The following GALNTL6 variants were observed in gnomAD, a reference collection of about 807,000 sequenced individuals.
The protein encoded by GALNTL6 is polypeptide N-acetylgalactosaminyltransferase-like 6.
In GALNTL6, 46 loss-of-function variants were observed where a neutral mutation model predicts 73.7. The observed-to-expected ratio is 0.62, with a 90% CI of 0.49 to 0.80. GALNTL6 has a LOEUF of 0.80. GALNTL6 is among the 30% of genes least tolerant of loss of function. The probability of loss-of-function intolerance (pLI) is 0.00; values close to 1 mark genes in which losing one functional copy is unlikely to be tolerated. For synonymous variants in GALNTL6, 259 were observed against 263.7 expected (o/e 0.98, Z 0.17); for missense variants, 604 against 755.0 (o/e 0.80, Z 2.34).
intron 5 of GALNTL6, among the ~76,000 whole-genome samples, chr4:172,439,172 TCACACACACACACACACACA>T (rs57281407): frequency 1.9e-4 from 27 of 145,728 alleles, no homozygotes; most frequent in African/African-American, 6.6e-4. Context: ...TCTCTCCCCT[TCACACACACACACACACACA>T]CACACACACA....
intron 8 of GALNTL6, among the ~76,000 whole-genome samples, chr4:172,905,380 G>A (rs1746829034): frequency 6.6e-6 from 1 of 152,110 alleles, no homozygotes; most frequent in Non-Finnish European, 1.5e-5. Flanking sequence ...ATTAAGAGAA[G>A]ACCTGAAAAA....
intron 5 of GALNTL6, among the ~76,000 whole-genome samples, chr4:172,778,360 T>C (rs12498347): frequency 0.52 from 79,648 of 152,104 alleles, 21,620 homozygotes; most frequent in East Asian, 0.78. Flanking sequence ...AGAATAATAA[T>C]AAACTGTATT....
intron 5 of GALNTL6, among the ~76,000 whole-genome samples, chr4:172,614,463 T>C (rs1385279237): frequency 6.6e-6 from 1 of 152,142 alleles, no homozygotes; most frequent in East Asian, 1.9e-4. Flanking sequence ...CTATATAAGT[T>C]TAATACAGAA....
intron 5 of GALNTL6, among the ~76,000 whole-genome samples, chr4:172,496,168 TG>T (rs1312886600): frequency 2.0e-5 from 3 of 152,070 alleles, no homozygotes; most frequent in African/African-American, 7.2e-5. Flanking sequence ...AAAAAACAAT[TG>T]TAATCCAAAT....
chr4:172,607,871 G>A (rs1738366602), intron 5 of GALNTL6, among the ~76,000 whole-genome samples: 1 of 151,944 alleles, frequency 6.6e-6, no homozygotes, highest in African/African-American at 2.4e-5. Flanking sequence ...TTTTTCATAT[G>A]CTTGTTGGCC....
At chr4:172,800,310 G>A (rs977781984) in intron 5 of GALNTL6, among the ~76,000 whole-genome samples, 2 of 152,178 alleles carry the variant, frequency 1.3e-5, no homozygotes, top group African/African-American at 2.4e-5. Context: ...TGGGTGAAAT[G>A]AAGAAGTGAT....
chr4:172,654,023 TTC>T (rs1213973055), intron 5 of GALNTL6, among the ~76,000 whole-genome samples: 2 of 152,310 alleles, frequency 1.3e-5, no homozygotes, highest in South Asian at 2.1e-4. Context: ...ACATACTCTT[TTC>T]TCTCTTTCTC....
intron 8 of GALNTL6, among the ~76,000 whole-genome samples, chr4:172,908,999 A>G (rs1316050285): frequency 6.6e-6 from 1 of 151,882 alleles, no homozygotes; most frequent in Non-Finnish European, 1.5e-5. Context: ...AAATAATAAA[A>G]TACATAATAA....
At chr4:172,212,013 GTTGT>G (rs1054424578) in intron 2 of GALNTL6, among the ~76,000 whole-genome samples, 13 of 152,118 alleles carry the variant, frequency 8.5e-5, no homozygotes, top group African/African-American at 1.4e-4. Flanking sequence ...TTTGTTTTGT[GTTGT>G]TTGTCTTTAG....
At chr4:172,697,232 C>A (rs2111277238) in intron 5 of GALNTL6, among the ~76,000 whole-genome samples, 1 of 152,162 alleles carries the variant, frequency 6.6e-6, no homozygotes, top group Admixed American at 6.5e-5. Context: ...CTTTACTAAC[C>A]ATTATACATG....
chr4:172,932,379 G>A (rs1195657288), intron 9 of GALNTL6, among the ~76,000 whole-genome samples: 1 of 152,166 alleles, frequency 6.6e-6, no homozygotes, highest in South Asian at 2.1e-4. Flanking sequence ...ACTTTTTAAT[G>A]AGTATAACAA....
At chr4:171,987,970 A>G (rs925571379) in intron 2 of GALNTL6, among the ~76,000 whole-genome samples, 1 of 152,220 alleles carries the variant, frequency 6.6e-6, no homozygotes, top group African/African-American at 2.4e-5. Context: ...GAGTGAGTAC[A>G]GCTGAAGGAG....
chr4:172,971,726 T>C (rs941196050), intron 10 of GALNTL6, among the ~76,000 whole-genome samples: 5 of 152,278 alleles, frequency 3.3e-5, no homozygotes, highest in South Asian at 2.1e-4. Flanking sequence ...ATAAATAATA[T>C]TAGTGTAAAG....
intron 5 of GALNTL6, among the ~76,000 whole-genome samples, chr4:172,774,031 TTGA>T (rs1171695618): frequency 7.2e-5 from 11 of 152,208 alleles, no homozygotes; most frequent in African/African-American, 2.7e-4. Flanking sequence ...TGTAAAAATA[TTGA>T]TGATTTATTG....
intron 2 of GALNTL6, among the ~76,000 whole-genome samples, chr4:171,940,015 T>A (rs1184839720): frequency 6.6e-6 from 1 of 152,154 alleles, no homozygotes; most frequent in East Asian, 1.9e-4. Context: ...TTGTTTTTTT[T>A]AACTCACTGT....
At chr4:172,311,218 T>C (rs1196998529) in intron 3 of GALNTL6, among the ~76,000 whole-genome samples, 1 of 152,140 alleles carries the variant, frequency 6.6e-6, no homozygotes, top group East Asian at 1.9e-4. Context: ...TAATAGTATA[T>C]TTTCAGTGGA....
intron 5 of GALNTL6, among the ~76,000 whole-genome samples, chr4:172,464,823 A>G (rs1729699282): frequency 6.6e-6 from 1 of 152,178 alleles, no homozygotes; most frequent in Non-Finnish European, 1.5e-5. Flanking sequence ...AATTAATTCC[A>G]ACTATCTTTT....
intron 4 of GALNTL6, among the ~76,000 whole-genome samples, chr4:172,334,679 A>T (rs1605589): frequency 0.57 from 86,218 of 151,968 alleles, 26,883 homozygotes; most frequent in Non-Finnish European, 0.7. Context: ...GAAGAAAAAA[A>T]ATTTGATTTT....
intron 2 of GALNTL6, among the ~76,000 whole-genome samples, chr4:171,858,811 T>C (rs1043605325): frequency 1.3e-5 from 2 of 152,072 alleles, no homozygotes; most frequent in African/African-American, 4.8e-5. Flanking sequence ...ATTAGTTACA[T>C]GCATACAACT....
Sources: allele counts gnomAD v4.1 joint callset (sites outside exome capture counted in the v4.1 genomes callset), GRCh38; gene constraint gnomAD v4.1.1; transcripts MANE v1.5; gene names NCBI Gene and HGNC (gene_info 2026-07-23, HGNC 2026-07-21).